SNX27: variants seen among roughly 807,000 people sequenced by gnomAD.
SNX27 encodes the protein sorting nexin-27.
Under a neutral mutation model 71.6 loss-of-function variants are expected in SNX27, and 22 were observed. The ratio of observed to expected loss-of-function variants is 0.31; its 90% CI spans 0.22 to 0.44. The LOEUF (loss-of-function observed/expected upper bound fraction) is 0.44, where lower values mean the gene tolerates loss of function less well. SNX27 is among the 20% of genes least tolerant of loss of function. The probability of loss-of-function intolerance (pLI) is 1.00; values close to 1 mark genes in which losing one functional copy is unlikely to be tolerated. For missense variants in SNX27, 531 were observed against 698.6 expected, an observed-to-expected ratio of 0.76 and a Z score of 2.70; for synonymous variants, 269 against 277.2, an observed-to-expected ratio of 0.97 and a Z score of 0.29.
intron 5 of SNX27, among the ~76,000 whole-genome samples, chr1:151,663,367 G>A (rs564627158): frequency 5.9e-5 from 9 of 152,002 alleles, no homozygotes; most frequent in African/African-American, 2.2e-4. Context: ...AGCCAGGATG[G>A]TCTGAATCTC....
chr1:151,678,567 G>A (rs1427672979), intron 7 of SNX27: 6 of 152,160 alleles, frequency 3.9e-5, no homozygotes, highest in Non-Finnish European at 8.8e-5. Flanking sequence ...GAACATGGGT[G>A]TGCAGATATC....
intron 8 of SNX27, among the ~76,000 whole-genome samples, chr1:151,690,908 G>C (rs2102739067): frequency 6.6e-6 from 1 of 152,270 alleles, no homozygotes; most frequent in Non-Finnish European, 1.5e-5. Context: ...GGAAGTAATG[G>C]GGCCAGGATT....
At chr1:151,662,846 TC>T in intron 5 of SNX27, 1 of 152,130 alleles carries the variant, frequency 6.6e-6, no homozygotes, top group African/African-American at 2.4e-5. Context: ...GTATAATGAA[TC>T]TCCATATAGT....
At chr1:151,613,752 C>T (rs1667302124) in intron 1 of SNX27, among the ~76,000 whole-genome samples, 1 of 152,094 alleles carries the variant, frequency 6.6e-6, no homozygotes, top group South Asian at 2.1e-4. Context: ...CCTTTTTGTA[C>T]TTCGTATTGA....
chr1:151,634,551 C>T (rs535454851), intron 1 of SNX27, among the ~76,000 whole-genome samples: 5 of 152,260 alleles, frequency 3.3e-5, no homozygotes, highest in Middle Eastern at 6.8e-3. Flanking sequence ...GAAGCCACTC[C>T]CATTAGCTAG....
intron 5 of SNX27, among the ~76,000 whole-genome samples, chr1:151,665,063 G>A (rs922691825): frequency 6.6e-6 from 1 of 152,086 alleles, no homozygotes; most frequent in Non-Finnish European, 1.5e-5. Flanking sequence ...ATCACATTTG[G>A]CTTACTGAGA....
Position 151,612,315 on chromosome 1 carries a change from C to A in SNX27, c.114C>A (p.Gly38=). The change falls in exon 1 of 12, where the codon GGC becomes GGA. Residue 38 remains glycine (G), a synonymous_variant. Transcript: ENST00000458013. This position sits in a 1 kb window ranked among gnomAD's most constrained non-coding sequence, Gnocchi z 5.2. ...LHCAGNGGGG[G]GGPRVVRIVK... ...GCGCCGGGAACGGCGGCGGGGGAGG[C>A]GGCGGCCCGCGGGTCGTGCGCATCG... 1.3e-6 allele frequency: 2 copies of A among 1,520,420 alleles called. No homozygotes were observed. The highest frequency in any genetic ancestry group is 2.2e-5 in the Admixed American group (1 of 44,940). The allele number at this position is 1,520,420 out of a possible 1,614,324, so 94.2% of individuals were successfully genotyped here.
At chr1:151,637,800 AT>A (rs1461872218) in intron 1 of SNX27, among the ~76,000 whole-genome samples, 1 of 152,232 alleles carries the variant, frequency 6.6e-6, no homozygotes, top group East Asian at 1.9e-4. Flanking sequence ...TTGTTACTAA[AT>A]TTAGTATCAT....
intron 1 of SNX27, among the ~76,000 whole-genome samples, chr1:151,622,531 A>G (rs1667723215): frequency 6.6e-6 from 1 of 152,232 alleles, no homozygotes; most frequent in African/African-American, 2.4e-5. Context: ...GTTATTGATA[A>G]AACAAGTATA....
chr1:151,673,631 C>T (rs1230418598), intron 7 of SNX27, among the ~76,000 whole-genome samples: 1 of 152,114 alleles, frequency 6.6e-6, no homozygotes, highest in Non-Finnish European at 1.5e-5. Context: ...GTGTTGAGGT[C>T]TCCAGCTATT....
intron 8 of SNX27, among the ~76,000 whole-genome samples, chr1:151,690,352 G>A (rs989716107): frequency 6.6e-6 from 1 of 152,092 alleles, no homozygotes; most frequent in African/African-American, 2.4e-5. Context: ...ATTTTTAAAA[G>A]TAATTTCCAG....
At position 151,692,432 on chromosome 1, in the gene SNX27, T is replaced by TTTTTTAC; in HGVS notation, c.1240-3_1240-2insTTTTTAC. 6.9e-7 allele frequency: 1 copy of TTTTTTAC among 1,452,070 alleles called. No homozygotes were observed. The highest frequency in any genetic ancestry group is 9.1e-7 in the Non-Finnish European group (1 of 1,101,928). 89.9% of individuals were successfully genotyped at this position (1,452,070 alleles called of 1,614,324 possible). ...TTTTTTTTTTTTTTTTTTTTTTTTT[T>TTTTTTAC]AGTACCTCAACATGCTAAGGACTTG... On this transcript the variant is annotated splice_polypyrimidine_tract_variant and splice_region_variant and intron_variant, in intron 8 of 11. Transcript: ENST00000458013.
At chr1:151,689,048 G>T (rs898128781) in intron 8 of SNX27, among the ~76,000 whole-genome samples, 1 of 152,088 alleles carries the variant, frequency 6.6e-6, no homozygotes, top group African/African-American at 2.4e-5. Context: ...TCCCCTGAAG[G>T]TCTTTTGCTT....
chr1:151,667,028 G>A (rs902383685), intron 6 of SNX27: 3 of 151,984 alleles, frequency 2.0e-5, no homozygotes, highest in African/African-American at 7.2e-5. Flanking sequence ...GAGGCAGGAG[G>A]ATTGCTTGAG....
Position 151,683,425 on chromosome 1 carries a change from G to C in SNX27, c.1219G>C (p.Glu407Gln), listed in dbSNP as rs759653250. Residue 407 changes from glutamate to glutamine, a missense_variant, in exon 8 of 12, where the codon GAA becomes CAA. Glu to Gln is a conservative substitution (Grantham distance 29). Coordinates refer to ENST00000458013, the MANE Select transcript of SNX27 (RefSeq NM_001330723.2). ...EKSYQLQKLY[E>Q]QRKMVMYLNM... ...GTCCTATCAATTACAGAAGCTATAC[G>C]AACAAAGAAAAATGGTCATGGTAAG... 1 of 1,612,830 alleles carries C rather than the reference G, an allele frequency of 6.2e-7. No homozygotes were observed. Among genetic ancestry groups the C allele is most frequent in the South Asian group, 1.1e-5 (1 of 90,828 alleles).
At chr1:151,650,954 A>T (rs1239157358) in intron 2 of SNX27, among the ~76,000 whole-genome samples, 1 of 152,208 alleles carries the variant, frequency 6.6e-6, no homozygotes, top group Non-Finnish European at 1.5e-5. Flanking sequence ...AAGGCAGAAG[A>T]AGTTTTCTTA....
In SNX27 at chr1:151,612,386, G is replaced by T; in HGVS notation, c.185G>T (p.Ser62Ile). The T allele has an allele frequency of 6.5e-7, 1 of 1,533,048 alleles. No homozygotes were observed. The allele number at this position is 1,533,048 out of a possible 1,614,324, so 95.0% of individuals were successfully genotyped here. A position where few individuals can be genotyped will look rare whatever the true frequency, so the allele number is the denominator to read the frequency against. Residue 62 changes from serine (S) to isoleucine (I), a missense_variant, in exon 1 of 12, where the codon AGC becomes ATC. Coordinates refer to ENST00000458013, the MANE Select transcript of SNX27 (RefSeq NM_001330723.2). The surrounding 1 kb of genome is among the most constrained non-coding windows in gnomAD (Gnocchi z 5.2). Reference sequence around the variant, plus strand: ...GGCTTCAACGTGCGGGGCCAAGTGAGCGAGGGCGGGCAACTGCGGAGCATC... The same window carrying T: ...GGCTTCAACGTGCGGGGCCAAGTGATCGAGGGCGGGCAACTGCGGAGCATC... ...GYGFNVRGQV[S>I]EGGQLRSING... is the part of the protein sequence containing the mutation.
At chr1:151,615,717 T>C (rs1667395007) in intron 1 of SNX27, 2 of 984,402 alleles carry the variant, frequency 2.0e-6, no homozygotes, top group Non-Finnish European at 2.4e-6. Context: ...ATTTAAGACT[T>C]TTCCCTATTT....
chr1:151,614,954 C>T (rs1367959695), intron 1 of SNX27, among the ~76,000 whole-genome samples: 1 of 152,136 alleles, frequency 6.6e-6, no homozygotes, highest in South Asian at 2.1e-4. Flanking sequence ...TGGCTTCTGC[C>T]CAAGAGCCTA....
Sources: allele counts gnomAD v4.1 joint callset (sites outside exome capture counted in the v4.1 genomes callset), GRCh38; gene constraint gnomAD v4.1.1; non-coding constraint Gnocchi (gnomAD v3.1); transcripts MANE v1.5; gene names NCBI Gene and HGNC (gene_info 2026-07-23, HGNC 2026-07-21).